The following DCAF1 variants were observed in gnomAD, a reference collection of about 807,000 sequenced individuals.
DCAF1 encodes DDB1 and CUL4 associated factor 1.
In DCAF1, 15 loss-of-function variants were observed where a neutral mutation model predicts 128.0. That is an observed-to-expected ratio of 0.12 (90% CI 0.08 to 0.18). The LOEUF (loss-of-function observed/expected upper bound fraction) is 0.18, where lower values mean the gene tolerates loss of function less well. Ranked by LOEUF, DCAF1 falls within the 10% of genes least tolerant of loss-of-function variation. DCAF1 has a pLI of 1.00. For missense variants in DCAF1, 988 were observed against 1,649.5 expected (o/e 0.60, Z 6.95); for synonymous variants, 610 against 603.0 (o/e 1.01, Z -0.17).
chr3:51,487,000 ACT>A (rs1452287316), intron 2 of DCAF1, among the ~76,000 whole-genome samples: 2 of 131,886 alleles, frequency 1.5e-5, no homozygotes, highest in African/African-American at 2.9e-5. Flanking sequence ...ACAGAGTCAC[ACT>A]CTGTCGCCAG....
Position 51,491,644 on chromosome 3 carries a change from C to T in DCAF1, c.-9+5090G>A, listed in dbSNP as rs782078753. On this transcript the variant is annotated intron_variant, in intron 2 of 24. Coordinates refer to ENST00000684031, the MANE Select transcript of DCAF1 (RefSeq NM_001387579.1). ...CAGGCAGATAACTTGAGCAGGAGTT[C>T]GAGACCAGACTGGCCAACATTGTGA... 9.9e-5 allele frequency among the ~76,000 whole-genome samples: 15 copies of T among 152,170 alleles called. No homozygotes were observed. The South Asian group carries it at 1.0e-3, about 11-fold the overall frequency.
chr3:51,470,911 T>C lies in DCAF1; in HGVS notation c.187+18A>G, dbSNP rs1006154233. The stretch of plus-strand genomic sequence containing the variant: ...AAAAGAAAAAAAAAAGACCCACACT[T>C]AAGAGCACAAATCTTACCAGGATGT... On this transcript the variant is annotated intron_variant, in intron 4 of 24. Transcript: ENST00000684031. 6.5e-7 allele frequency: 1 copy of C among 1,546,912 alleles called. No homozygotes were observed. Among genetic ancestry groups the C allele is most frequent in the Non-Finnish European group, 8.8e-7 (1 of 1,137,322 alleles).
At position 51,414,867 on chromosome 3, in the gene DCAF1, A is replaced by G; in HGVS notation, c.3604-10T>C. The G allele has an allele frequency of 6.2e-7, 1 of 1,609,564 alleles. No individual in the cohort carries two copies. Among genetic ancestry groups the G allele is most frequent in the Middle Eastern group, 1.7e-4 (1 of 6,048 alleles). ...TCTGAATATCATAAATCTTTAGAGA[A>G]GAAGGGATGGGAAGAGAAAAATCAG... On this transcript the variant is annotated splice_polypyrimidine_tract_variant and intron_variant, in intron 18 of 24. Transcript: ENST00000684031.
intron 24 of DCAF1, among the ~76,000 whole-genome samples, chr3:51,400,261 G>A (rs1165896877): frequency 6.6e-6 from 1 of 152,190 alleles, no homozygotes; most frequent in Non-Finnish European, 1.5e-5. Context: ...GCTCCAGGAG[G>A]AAGTGTCACA....
chr3:51,438,465 T>C (rs781880516), intron 9 of DCAF1, among the ~76,000 whole-genome samples: 3 of 152,234 alleles, frequency 2.0e-5, no homozygotes, highest in African/African-American at 4.8e-5. Context: ...TATAGCTACA[T>C]GTAAACATTC....
At chr3:51,445,696 G>T (rs6787397) in intron 6 of DCAF1, among the ~76,000 whole-genome samples, 1 of 152,120 alleles carries the variant, frequency 6.6e-6, no homozygotes, top group East Asian at 1.9e-4. Flanking sequence ...AGAACTGCTA[G>T]GTCACAGGGT....
At position 51,419,981 on chromosome 3, in the gene DCAF1, G is replaced by A. The variant is rs782445436; in HGVS notation, c.2989C>T (p.His997Tyr). 1.9e-6 allele frequency: 3 copies of A among 1,614,032 alleles called. No homozygotes were observed. Among genetic ancestry groups the A allele is most frequent in the Non-Finnish European group, 2.5e-6 (3 of 1,179,894 alleles). ...TCCAGCGTAGGTGGGGAAGGAAGAT[G>A]TCTGTCCAGCTGTTTTTTTATGGCT... is the stretch of plus-strand genomic sequence containing the variant. ...SPAIKKQLDR[H>Y]LPSPPTLDSI... Residue 997 changes from histidine (H) to tyrosine (Y), a missense_variant, in exon 15 of 25, where the codon CAT becomes TAT. Coordinates refer to ENST00000684031, the MANE Select transcript of DCAF1 (RefSeq NM_001387579.1).
chr3:51,501,172 GTTA>G (rs1212765391), upstream of DCAF1, among the ~76,000 whole-genome samples: 4 of 152,272 alleles, frequency 2.6e-5, no homozygotes, highest in South Asian at 2.1e-4. Flanking sequence ...TTATTGCCAG[GTTA>G]TTATACGTGA....
intron 9 of DCAF1, among the ~76,000 whole-genome samples, chr3:51,437,879 G>A (rs546661508): frequency 2.0e-4 from 30 of 151,186 alleles, no homozygotes; most frequent in Admixed American, 7.9e-4. Flanking sequence ...TAGTCACTAC[G>A]CCAGAAAAAA....
At chr3:51,488,621 G>A (rs2108491029) in intron 2 of DCAF1, among the ~76,000 whole-genome samples, 1 of 152,322 alleles carries the variant, frequency 6.6e-6, no homozygotes, top group Non-Finnish European at 1.5e-5. Flanking sequence ...TGGCCAACAT[G>A]GCGAAACCCC....
intron 3 of DCAF1, among the ~76,000 whole-genome samples, chr3:51,481,605 G>A (rs1396722436): frequency 6.6e-6 from 1 of 152,066 alleles, no homozygotes; most frequent in Non-Finnish European, 1.5e-5. Context: ...TCAGGCAGGA[G>A]AATCACTTGA....
chr3:51,418,558 A>G, intron 16 of DCAF1, 120 bp downstream of exon 16: 1 of 1,466,230 alleles, frequency 6.8e-7, no homozygotes, highest in Non-Finnish European at 9.0e-7. Context: ...CCTCAACTAG[A>G]CTTTCCAGTT....
At chr3:51,431,714 A>T (rs1224609033) in intron 10 of DCAF1, among the ~76,000 whole-genome samples, 1 of 151,678 alleles carries the variant, frequency 6.6e-6, no homozygotes, top group African/African-American at 2.4e-5. Flanking sequence ...CACTTTGGGA[A>T]GCCATGGTGG....
Position 51,481,720 on chromosome 3 carries a change from G to C in DCAF1, c.110+1999C>G, listed in dbSNP as rs529956982. ...TGAAAGGTAAAATATGCCGGGCACAGTGGCTCACGCCTGTAATCCCAGCAC... is the reference window on the plus strand; with the variant it reads ...TGAAAGGTAAAATATGCCGGGCACACTGGCTCACGCCTGTAATCCCAGCAC... On this transcript the variant is annotated intron_variant, in intron 3 of 24. Coordinates refer to ENST00000684031, the MANE Select transcript of DCAF1 (RefSeq NM_001387579.1). 1.2e-4 allele frequency among the ~76,000 whole-genome samples: 18 copies of C among 149,988 alleles called. No individual in the cohort carries two copies. The South Asian group carries it at 3.6e-3, about 30-fold the overall frequency.
chr3:51,420,212 C>T lies in DCAF1; in HGVS notation c.2758G>A (p.Gly920Ser), dbSNP rs781885117. 1 of 1,613,952 alleles carries T rather than the reference C, an allele frequency of 6.2e-7. No individual in the cohort carries two copies. The highest frequency in any genetic ancestry group is 2.2e-5 in the East Asian group (1 of 44,886). The change falls in exon 15 of 25, where the codon GGT becomes AGT. Residue 920 changes from glycine to serine, a missense_variant. Around this residue, in one of 11 missense-constraint regions of DCAF1, gnomAD observed 88 missense variants for 107.7 expected, o/e 0.82. Coordinates refer to ENST00000684031, the MANE Select transcript of DCAF1 (RefSeq NM_001387579.1). The surrounding 1 kb of genome is among the most constrained non-coding windows in gnomAD (Gnocchi z 6.5). ...GTAGGGGCAGAAGGCGCAGAGGCACCCACAGCAGCATGGCTGCCCAGACGA... is the reference window on the plus strand; with the variant it reads ...GTAGGGGCAGAAGGCGCAGAGGCACTCACAGCAGCATGGCTGCCCAGACGA... ...ATRLGSHAAV[G>S]ASAPSAPTAH...
At chr3:51,499,023 A>G (rs7623949) in intron 1 of DCAF1, among the ~76,000 whole-genome samples, 71,648 of 152,144 alleles carry the variant, frequency 0.47, 19,220 homozygotes, top group Non-Finnish European at 0.6. Flanking sequence ...CAAGACCAAC[A>G]TGACATGGCC....
chr3:51,415,611 A>T (rs1312935935), intron 18 of DCAF1, among the ~76,000 whole-genome samples: 1 of 152,124 alleles, frequency 6.6e-6, no homozygotes, highest in East Asian at 1.9e-4. Context: ...TTTCAGAGAC[A>T]GGGTCTCACT....
intron 3 of DCAF1, among the ~76,000 whole-genome samples, chr3:51,478,759 G>A (rs1472396754): frequency 6.6e-6 from 1 of 151,982 alleles, no homozygotes; most frequent in African/African-American, 2.4e-5. Flanking sequence ...GAAGTGCTGG[G>A]ATTAGAGGCA....
rs1434874709 is a variant in DCAF1, at chr3:51,419,840, G to A, written c.3130C>T (p.Arg1044Trp). Residue 1044 changes from arginine (R) to tryptophan (W), a missense_variant, in exon 15 of 25, where the codon CGG becomes TGG. Arg to Trp is a moderately radical substitution (Grantham distance 101). Transcript: ENST00000684031. Reference protein sequence around the residue: ...PHQCPEPKQRRQAPINFTSRL... With the variant: ...PHQCPEPKQRWQAPINFTSRL... ...GACGTAAAGTTTATTGGCGCTTGCCGCCTCTGTTTTGGCTCAGGACATTGG... is the reference window on the plus strand; with the variant it reads ...GACGTAAAGTTTATTGGCGCTTGCCACCTCTGTTTTGGCTCAGGACATTGG... 1.2e-6 allele frequency: 2 copies of A among 1,614,068 alleles called. No individual in the cohort carries two copies. The highest frequency in any genetic ancestry group is 1.7e-6 in the Non-Finnish European group (2 of 1,179,912).
Sources: allele counts gnomAD v4.1 joint callset (sites outside exome capture counted in the v4.1 genomes callset), GRCh38; gene constraint gnomAD v4.1.1; regional missense constraint gnomAD v4.1.1; non-coding constraint Gnocchi (gnomAD v3.1); transcripts MANE v1.5; gene names NCBI Gene and HGNC (gene_info 2026-07-23, HGNC 2026-07-21).